Variants in DNAH11 observed in about 807,000 individuals in gnomAD.
DNAH11 encodes the protein axonemal beta dynein heavy chain 11.
DNAH11 carries 442 observed loss-of-function variants against 526.0 expected under a neutral mutation model. The observed-to-expected ratio is 0.84, with a 90% CI of 0.78 to 0.91. The LOEUF (loss-of-function observed/expected upper bound fraction) is 0.91, where lower values mean the gene tolerates loss of function less well. DNAH11 is among the 40% of genes least tolerant of loss of function. The probability of loss-of-function intolerance (pLI) is 0.00; values close to 1 mark genes in which losing one functional copy is unlikely to be tolerated. For synonymous variants in DNAH11, 2,461 were observed against 1,935.9 expected, an observed-to-expected ratio of 1.27 and a Z score of -7.12; for missense variants, 6,989 against 5,448.7, an observed-to-expected ratio of 1.28 and a Z score of -8.90.
intron 66 of DNAH11, among the ~76,000 whole-genome samples, chr7:21,850,608 C>CTTTT (rs3062635): frequency 3.7e-3 from 232 of 62,580 alleles, no homozygotes; most frequent in African/African-American, 5.4e-3. Context: ...CTGTCTTCTT[C>CTTTT]TTTTTTTTTT....
intron 54 of DNAH11, among the ~76,000 whole-genome samples, chr7:21,755,809 T>G (rs906824274): frequency 6.6e-6 from 1 of 152,170 alleles, no homozygotes; most frequent in Non-Finnish European, 1.5e-5. Flanking sequence ...GAATTTGGTG[T>G]ATGGAATGAA....
chr7:21,726,119 C>T, intron 45 of DNAH11, 135 bp downstream of exon 45: 1 of 892,464 alleles, frequency 1.1e-6, no homozygotes, highest in Non-Finnish European at 1.6e-6. Context: ...AAGCATGATG[C>T]TGGCATCTGC....
At chr7:21,895,264 C>G (rs1041936576) in intron 79 of DNAH11, among the ~76,000 whole-genome samples, 14 of 152,190 alleles carry the variant, frequency 9.2e-5, no homozygotes, top group African/African-American at 3.4e-4. Context: ...AATAACCTGT[C>G]TCTTTTTTAA....
Position 21,899,414 on chromosome 7 carries a change from C to G in DNAH11, c.13128C>G (p.Leu4376=), listed in dbSNP as rs56333627. Residue 4376 remains leucine, a synonymous_variant, in exon 80 of 82, where the codon CTC becomes CTG. Transcript: ENST00000409508. Reference sequence around the variant, plus strand: ...TTACCCTTCCGGCTGTCGTGTGGCTCTCCGGCTTCTTCAACCCTCAGTCCT... The same window carrying G: ...TTACCCTTCCGGCTGTCGTGTGGCTGTCCGGCTTCTTCAACCCTCAGTCCT... The part of the protein sequence containing the change: ...QDLTLPAVVW[L]SGFFNPQSFL... 96 of 1,613,618 alleles carry G rather than the reference C, an allele frequency of 5.9e-5. 1 individual carries two copies. In the Middle Eastern group the frequency reaches 5.4e-3, roughly 91 times the overall value.
chr7:21,601,672 T>TTAAAGTACATG, intron 18 of DNAH11, 54 bp downstream of exon 18: 4 of 1,318,500 alleles, frequency 3.0e-6, no homozygotes, highest in Non-Finnish European at 3.1e-6. Flanking sequence ...ATCTCTTTTA[T>TTAAAGTACATG]TAAAGTACTT....
At chr7:21,656,595 T>G (rs938942678) in intron 29 of DNAH11, among the ~76,000 whole-genome samples, 1 of 152,192 alleles carries the variant, frequency 6.6e-6, no homozygotes, top group African/African-American at 2.4e-5. Context: ...TGAAAGCGTT[T>G]CTGGTGTGTT....
At chr7:21,798,424 G>A (rs942278330) in intron 61 of DNAH11, among the ~76,000 whole-genome samples, 4 of 152,158 alleles carry the variant, frequency 2.6e-5, no homozygotes, top group Non-Finnish European at 5.9e-5. Context: ...ACTCGAAGAT[G>A]GATACTCTTA....
chr7:21,762,115 C>T (rs1299331557), intron 54 of DNAH11, among the ~76,000 whole-genome samples: 1 of 152,096 alleles, frequency 6.6e-6, no homozygotes, highest in African/African-American at 2.4e-5. Flanking sequence ...GAAACCACCC[C>T]CATGCTCCAG....
chr7:21,657,824 T>C (rs1782082316), intron 29 of DNAH11, among the ~76,000 whole-genome samples: 1 of 152,244 alleles, frequency 6.6e-6, no homozygotes, highest in East Asian at 1.9e-4. Context: ...GAGCAGTGTT[T>C]CCTGTTTCTT....
chr7:21,754,719 C>G (rs780602884), intron 54 of DNAH11, among the ~76,000 whole-genome samples: 14 of 152,142 alleles, frequency 9.2e-5, no homozygotes, highest in Non-Finnish European at 1.9e-4. Flanking sequence ...AGGGATCCCA[C>G]TTCTGATCCC....
rs1164846979 is a variant in DNAH11, at chr7:21,557,477, C to T, written c.496-1325C>T. On this transcript the variant is annotated intron_variant, in intron 2 of 81. Coordinates refer to ENST00000409508, the MANE Select transcript of DNAH11 (RefSeq NM_001277115.2). The stretch of plus-strand genomic sequence containing the variant: ...CTGCTTCATGGTTTGTAGACGGCCC[C>T]TTCTAGCTATGTCTTCACATGGTGG... 8.5e-5 allele frequency among the ~76,000 whole-genome samples: 13 copies of T among 152,268 alleles called. No homozygotes were observed. In the East Asian group the frequency reaches 2.3e-3, roughly 27 times the overall value.
At chr7:21,825,188 A>G (rs758043462) in intron 65 of DNAH11, among the ~76,000 whole-genome samples, 8 of 152,176 alleles carry the variant, frequency 5.3e-5, no homozygotes, top group East Asian at 1.9e-4. Context: ...GTGATATTCA[A>G]TGATATGACT....
At chr7:21,820,149 G>A (rs1168773839) in intron 65 of DNAH11, among the ~76,000 whole-genome samples, 1 of 152,130 alleles carries the variant, frequency 6.6e-6, no homozygotes, top group East Asian at 1.9e-4. Flanking sequence ...ATGAGTGCCA[G>A]TGGAGTCCTT....
At chr7:21,888,994 C>G (rs1273616571) in intron 76 of DNAH11, among the ~76,000 whole-genome samples, 2 of 148,084 alleles carry the variant, frequency 1.4e-5, no homozygotes. Context: ...AGTTTATTAC[C>G]CACGCCCCAC....
chr7:21,576,765 A>G (rs1484415509), intron 8 of DNAH11, among the ~76,000 whole-genome samples: 6 of 152,190 alleles, frequency 3.9e-5, no homozygotes, highest in African/African-American at 9.6e-5. Context: ...AAATGTAAAA[A>G]CAAAGTGTTC....
At chr7:21,733,894 A>G (rs1450891053) in intron 45 of DNAH11, among the ~76,000 whole-genome samples, 3 of 152,206 alleles carry the variant, frequency 2.0e-5, no homozygotes, top group Non-Finnish European at 4.4e-5. Flanking sequence ...ATCCACAGCT[A>G]TATGGGTAGT....
intron 76 of DNAH11, among the ~76,000 whole-genome samples, chr7:21,886,668 CT>C (rs1008228831): frequency 4.3e-5 from 1 of 23,378 alleles, no homozygotes; most frequent in African/African-American, 8.0e-5. Context: ...AGGAGCTCCC[CT>C]AGCTCTGGCC....
intron 30 of DNAH11, among the ~76,000 whole-genome samples, chr7:21,671,429 T>C (rs951285748): frequency 2.6e-5 from 4 of 152,220 alleles, no homozygotes; most frequent in Non-Finnish European, 5.9e-5. Context: ...CCTATGCTTT[T>C]CAATTTACTG....
intron 41 of DNAH11, among the ~76,000 whole-genome samples, chr7:21,711,190 T>G (rs996910505): frequency 6.6e-6 from 1 of 152,168 alleles, no homozygotes; most frequent in African/African-American, 2.4e-5. Context: ...CTGTGAGATA[T>G]CAGTCAAGCA....
Sources: gnomAD v4.1 joint callset for allele counts (sites outside exome capture counted in the v4.1 genomes callset) on GRCh38, gnomAD v4.1.1 for gene constraint, MANE v1.5 for transcripts, NCBI Gene and HGNC (gene_info 2026-07-23, HGNC 2026-07-21) for gene names.